EBF1: variants seen among roughly 807,000 people sequenced by gnomAD.
EBF1 encodes transcription factor COE1.
In EBF1, 10 loss-of-function variants were observed where a neutral mutation model predicts 68.4. That is an observed-to-expected ratio of 0.15 (90% CI 0.09 to 0.25). The LOEUF (loss-of-function observed/expected upper bound fraction) is 0.25, where lower values mean the gene tolerates loss of function less well. Ranked by LOEUF, EBF1 falls within the 10% of genes least tolerant of loss-of-function variation. The pLI, the probability that EBF1 is intolerant of heterozygous loss-of-function variation, is 1.00. For synonymous variants in EBF1, 298 were observed against 299.8 expected (o/e 0.99, Z 0.06); for missense variants, 509 against 794.4 (o/e 0.64, Z 4.32).
Position 159,099,623 on chromosome 5 carries a change from G to T in EBF1, c.-145C>A. ...TTCTCAGACGATGAACTCGCACTTAGAAGATCAAGGCGGGCTGGAAAGCAA... is the reference window on the plus strand; with the variant it reads ...TTCTCAGACGATGAACTCGCACTTATAAGATCAAGGCGGGCTGGAAAGCAA... On this transcript the variant is annotated 5_prime_UTR_variant, in exon 1 of 16. Coordinates refer to ENST00000313708, the MANE Select transcript of EBF1 (RefSeq NM_024007.5). The T allele has an allele frequency of 8.6e-7, 1 of 1,159,754 alleles. No individual in the cohort carries two copies. The highest frequency in any genetic ancestry group is 1.2e-6 in the Non-Finnish European group (1 of 868,598). The allele number at this position is 1,159,754 out of a possible 1,614,324, so 71.8% of individuals were successfully genotyped here.
rs150149080 is a variant in EBF1 at position 158,929,433 on chromosome 5, A to G, written c.555-89323T>C. Among the ~76,000 whole-genome samples the G allele has an allele frequency of 5.7e-3, 861 of 152,322 alleles. 12 individuals are homozygous for G. Among genetic ancestry groups the G allele is most frequent in the African/African-American group, 0.02 (832 of 41,572 alleles). On this transcript the variant is annotated intron_variant, in intron 6 of 15. Coordinates refer to ENST00000313708, the MANE Select transcript of EBF1 (RefSeq NM_024007.5). Reference sequence around the variant, plus strand: ...CTCATGCAAAACAGCCAAGAGTAATATTCCCTATACGAAGAAGTCCCTAAA... The same window carrying G: ...CTCATGCAAAACAGCCAAGAGTAATGTTCCCTATACGAAGAAGTCCCTAAA...
At chr5:158,769,555 C>A (rs1423627280) in intron 10 of EBF1, among the ~76,000 whole-genome samples, 1 of 152,068 alleles carries the variant, frequency 6.6e-6, no homozygotes, top group East Asian at 1.9e-4. Flanking sequence ...GCAGAAATGG[C>A]TCTCATTTTA....
intron 7 of EBF1, among the ~76,000 whole-genome samples, chr5:158,834,228 C>T (rs1450264518): frequency 6.6e-6 from 1 of 152,204 alleles, no homozygotes; most frequent in East Asian, 1.9e-4. Context: ...TGTCTGGCTC[C>T]TGTCGGTTAA....
chr5:158,882,003 C>T lies in EBF1; in HGVS notation c.555-41893G>A, dbSNP rs148813384. Among the ~76,000 whole-genome samples, 3 of 152,264 alleles carry T rather than the reference C, an allele frequency of 2.0e-5. No individual in the cohort carries two copies. The East Asian group carries it at 5.8e-4, about 29-fold the overall frequency. ...ATGTGACGAAACTGCTTTGTATTTG[C>T]AAAGAAGGAGTTGTGGGTAACAATG... On this transcript the variant is annotated intron_variant, in intron 6 of 15. Transcript: ENST00000313708.
intron 6 of EBF1, chr5:158,983,347 T>C (rs1014075466): frequency 2.0e-5 from 3 of 152,202 alleles, no homozygotes; most frequent in Non-Finnish European, 4.4e-5. Flanking sequence ...TCTGAAAGTA[T>C]GACTGACTTG....
intron 6 of EBF1, among the ~76,000 whole-genome samples, chr5:158,896,392 T>C (rs1802188853): frequency 6.6e-6 from 1 of 152,228 alleles, no homozygotes; most frequent in Admixed American, 6.5e-5. Flanking sequence ...TTCTGAAAGA[T>C]TAAACACTCA....
chr5:159,083,543 T>C, intron 5 of EBF1, among the ~76,000 whole-genome samples: 1 of 152,292 alleles, frequency 6.6e-6, no homozygotes, highest in East Asian at 1.9e-4. Flanking sequence ...AAAATGAAAA[T>C]TGTATATCCA....
At position 158,848,294 on chromosome 5, in the gene EBF1, C is replaced by A. The variant is rs6885117; in HGVS notation, c.555-8184G>T. On this transcript the variant is annotated intron_variant, in intron 6 of 15. Transcript: ENST00000313708. ...TATTCTTTACATGTTATATATATAT[C>A]GTGGGATCATTGACCATTCTGGTTA... Among the ~76,000 whole-genome samples, 894 of 122,760 alleles carry A rather than the reference C, an allele frequency of 7.3e-3. 14 individuals are homozygous for A. The highest frequency in any genetic ancestry group is 0.024 in the African/African-American group (858 of 35,730). The allele number at this position is 122,760 out of a possible 152,430, so 80.5% of individuals were successfully genotyped here. A position where few individuals can be genotyped will look rare whatever the true frequency, so the allele number is the denominator to read the frequency against.
At chr5:158,714,633 T>C (rs922155181) in intron 11 of EBF1, among the ~76,000 whole-genome samples, 1 of 152,192 alleles carries the variant, frequency 6.6e-6, no homozygotes, top group African/African-American at 2.4e-5. Context: ...ACTAGAAGCA[T>C]GTAGTATTAA....
At chr5:158,847,737 G>A (rs13175305) in intron 6 of EBF1, among the ~76,000 whole-genome samples, 23,298 of 152,180 alleles carry the variant, frequency 0.15, 1,860 homozygotes, top group Non-Finnish European at 0.18. Context: ...ACAAAACCAA[G>A]TGTCCGTCTG....
intron 6 of EBF1, among the ~76,000 whole-genome samples, chr5:158,972,379 C>T (rs6556379): frequency 6.6e-6 from 1 of 152,202 alleles, no homozygotes; most frequent in Non-Finnish European, 1.5e-5. Context: ...GTTTGCAATA[C>T]GGTTGTCAAA....
chr5:158,952,250 G>A (rs1417840337), intron 6 of EBF1, among the ~76,000 whole-genome samples: 1 of 152,148 alleles, frequency 6.6e-6, no homozygotes, highest in Non-Finnish European at 1.5e-5. Context: ...AGGGAAAGGC[G>A]ATAATTAACC....
At chr5:158,803,157 C>A (rs1459458472) in intron 8 of EBF1, among the ~76,000 whole-genome samples, 1 of 152,050 alleles carries the variant, frequency 6.6e-6, no homozygotes, top group Non-Finnish European at 1.5e-5. Context: ...AACATAAAAC[C>A]CATGAGCTCA....
chr5:158,905,776 A>G (rs1804452162), intron 6 of EBF1, among the ~76,000 whole-genome samples: 1 of 152,170 alleles, frequency 6.6e-6, no homozygotes, highest in African/African-American at 2.4e-5. Flanking sequence ...CTAAAGTTCT[A>G]AAGGCAACCC....
intron 6 of EBF1, among the ~76,000 whole-genome samples, chr5:158,953,075 C>T (rs1003298701): frequency 2.0e-5 from 3 of 151,748 alleles, no homozygotes; most frequent in African/African-American, 7.3e-5. Context: ...TTTGTTGCTA[C>T]TTGCAGACAT....
intron 11 of EBF1, 69 bp downstream of exon 11, chr5:158,731,000 A>G: frequency 7.0e-7 from 1 of 1,436,340 alleles, no homozygotes; most frequent in East Asian, 2.3e-5. Flanking sequence ...AATTTTTATC[A>G]GCAGCAGAGT....
At chr5:158,926,159 T>C (rs1301351850) in intron 6 of EBF1, among the ~76,000 whole-genome samples, 3 of 152,220 alleles carry the variant, frequency 2.0e-5, no homozygotes, top group Non-Finnish European at 2.9e-5. Context: ...TCCATAACTA[T>C]TATTCTATAA....
intron 6 of EBF1, among the ~76,000 whole-genome samples, chr5:158,884,165 G>T (rs1430945761): frequency 2.0e-5 from 3 of 152,134 alleles, no homozygotes; most frequent in Non-Finnish European, 4.4e-5. Flanking sequence ...ACTTATTTTG[G>T]TTCAAAGAAC....
rs558017703 is a variant in EBF1, at chr5:158,814,582, C to T, written c.778+8594G>A. Among the ~76,000 whole-genome samples, 6 of 152,258 alleles carry T rather than the reference C, an allele frequency of 3.9e-5. No individual in the cohort carries two copies. In the South Asian group the frequency reaches 1.0e-3, roughly 26 times the overall value. ...ATATAAGAAACTAGCCTCCCTATAT[C>T]CAAATCGGTTTCCCATGTTATTTCT... On this transcript the variant is annotated intron_variant, in intron 8 of 15. Coordinates refer to ENST00000313708, the MANE Select transcript of EBF1 (RefSeq NM_024007.5).
Sources: gnomAD v4.1 joint callset for allele counts (sites outside exome capture counted in the v4.1 genomes callset) on GRCh38, gnomAD v4.1.1 for gene constraint, MANE v1.5 for transcripts, NCBI Gene and HGNC (gene_info 2026-07-23, HGNC 2026-07-21) for gene names.